ZEB1: variants seen among roughly 807,000 people sequenced by gnomAD.
The protein encoded by ZEB1 is zinc finger E-box-binding homeobox 1.
ZEB1 carries 21 observed loss-of-function variants against 84.9 expected under a neutral mutation model. The ratio of observed to expected loss-of-function variants is 0.25; its 90% CI spans 0.18 to 0.36. ZEB1 has a LOEUF of 0.36. ZEB1 is among the 10% of genes least tolerant of loss of function. The pLI is 1.00. For synonymous variants in ZEB1, 420 were observed against 471.1 expected (o/e 0.89, Z 1.41); for missense variants, 1,104 against 1,330.2 (o/e 0.83, Z 2.65).
At chr10:31,384,476 A>G (rs1420834280) in intron 1 of ZEB1, among the ~76,000 whole-genome samples, 3 of 152,230 alleles carry the variant, frequency 2.0e-5, no homozygotes, top group African/African-American at 4.8e-5. Context: ...GGAGAGTTTT[A>G]TGCAAAGTGA....
intron 1 of ZEB1, among the ~76,000 whole-genome samples, chr10:31,341,581 T>C (rs2039376008): frequency 6.6e-6 from 1 of 152,078 alleles, no homozygotes. Flanking sequence ...CTGTGGGATA[T>C]AGATGGGGGT....
At chr10:31,373,336 A>G (rs992389853) in intron 1 of ZEB1, among the ~76,000 whole-genome samples, 3 of 151,828 alleles carry the variant, frequency 2.0e-5, no homozygotes, top group African/African-American at 7.3e-5. Context: ...AAATATATGC[A>G]AAGAATGGTT....
chr10:31,485,916 ACCG>A (rs2065691296), intron 2 of ZEB1, among the ~76,000 whole-genome samples: 3 of 151,850 alleles, frequency 2.0e-5, no homozygotes, highest in Non-Finnish European at 4.4e-5. Flanking sequence ...AATCCTGGCA[ACCG>A]TGATCTTTTG....
chr10:31,442,397 G>A (rs370287006), intron 1 of ZEB1, among the ~76,000 whole-genome samples: 6 of 152,026 alleles, frequency 3.9e-5, no homozygotes, highest in Non-Finnish European at 7.4e-5. Context: ...ATCACACACC[G>A]GGGTCTGTCG....
chr10:31,362,770 C>G (rs752367076), intron 1 of ZEB1: 4 of 648,354 alleles, frequency 6.2e-6, no homozygotes, highest in South Asian at 4.9e-5. Context: ...TCTCCTGATC[C>G]GCCCGCCTGG....
At chr10:31,408,071 A>G (rs918688954) in intron 1 of ZEB1, among the ~76,000 whole-genome samples, 6 of 152,078 alleles carry the variant, frequency 3.9e-5, no homozygotes, top group East Asian at 1.9e-4. Flanking sequence ...TCAATGTACA[A>G]AAATCACAAG....
chr10:31,497,518 C>G, intron 3 of ZEB1, among the ~76,000 whole-genome samples: 2 of 152,088 alleles, frequency 1.3e-5, no homozygotes. Context: ...TAGGAGTAAG[C>G]AAACTTCCAT....
chr10:31,364,009 C>T (rs1423420410), intron 1 of ZEB1, among the ~76,000 whole-genome samples: 3 of 152,288 alleles, frequency 2.0e-5, no homozygotes, highest in East Asian at 1.9e-4. Flanking sequence ...CCAGGACCTG[C>T]GGCAGAACCA....
rs138456617 is a variant in ZEB1, at chr10:31,521,538, C to G, written c.2206C>G (p.Leu736Val). ...ACAAGAAGAGCCACAAGTAGAACCT[C>G]TTGATCTTTCACTACCAAAGCAACA... ...GAQEEPQVEP[L>V]DLSLPKQQGE... The change falls in exon 7 of 9, where the codon CTT (leucine) becomes GTT (valine). Residue 736 changes from leucine (L) to valine (V), a missense_variant. By Grantham distance (32) the Leu-to-Val change is conservative. This residue lies in a region of ZEB1 where 531 missense variants were observed against 575.2 expected (regional missense o/e 0.92). Coordinates refer to ENST00000424869, the MANE Select transcript of ZEB1 (RefSeq NM_001174096.2). 266 of 1,613,972 alleles carry G rather than the reference C, an allele frequency of 1.6e-4. 1 individual carries two copies. Among genetic ancestry groups the G allele is most frequent in the Non-Finnish European group, 2.4e-5 (28 of 1,180,016 alleles).
At chr10:31,453,504 T>C (rs1320625804) in intron 1 of ZEB1, among the ~76,000 whole-genome samples, 1 of 152,226 alleles carries the variant, frequency 6.6e-6, no homozygotes, top group Non-Finnish European at 1.5e-5. Flanking sequence ...TCTAATGCTT[T>C]TTTATGATTG....
intron 1 of ZEB1, among the ~76,000 whole-genome samples, chr10:31,460,724 A>G (rs2061715273): frequency 6.6e-6 from 1 of 152,156 alleles, no homozygotes; most frequent in Admixed American, 6.6e-5. Context: ...AAACAAGGAT[A>G]TAAGTAGTAA....
chr10:31,469,042 G>C (rs1232746824), intron 2 of ZEB1, among the ~76,000 whole-genome samples: 1 of 152,148 alleles, frequency 6.6e-6, no homozygotes, highest in Non-Finnish European at 1.5e-5. Context: ...CAATCTAAGA[G>C]ATGAAAGACA....
At chr10:31,458,336 T>TGTGTTG (rs1554882634) in intron 1 of ZEB1, among the ~76,000 whole-genome samples, 6 of 102,288 alleles carry the variant, frequency 5.9e-5, no homozygotes, top group South Asian at 6.1e-4. Flanking sequence ...TGTGTGTGTG[T>TGTGTTG]TGTGTGTGTG....
chr10:31,485,601 A>C (rs552560919), intron 2 of ZEB1, among the ~76,000 whole-genome samples: 1 of 152,072 alleles, frequency 6.6e-6, no homozygotes, highest in Non-Finnish European at 1.5e-5. Context: ...ACATTAAAAT[A>C]GTTTTAAAAA....
intron 1 of ZEB1, among the ~76,000 whole-genome samples, chr10:31,428,022 T>C (rs1249969562): frequency 1.3e-5 from 2 of 152,222 alleles, no homozygotes; most frequent in African/African-American, 2.4e-5. Flanking sequence ...AACTAGCTCC[T>C]GGATTCGTTG....
At chr10:31,357,803 G>A (rs1324119305) in intron 1 of ZEB1, among the ~76,000 whole-genome samples, 5 of 151,924 alleles carry the variant, frequency 3.3e-5, no homozygotes, top group African/African-American at 9.7e-5. Context: ...GATTAGTTAC[G>A]CCAGTGGCTC....
chr10:31,474,812 A>G (rs2063830601), intron 2 of ZEB1, among the ~76,000 whole-genome samples: 1 of 152,146 alleles, frequency 6.6e-6, no homozygotes, highest in South Asian at 2.1e-4. Context: ...GAACCAACCC[A>G]AATGTCCAAC....
chr10:31,446,790 A>G (rs923587542), intron 1 of ZEB1, among the ~76,000 whole-genome samples: 10 of 150,712 alleles, frequency 6.6e-5, no homozygotes, highest in African/African-American at 2.2e-4. Flanking sequence ...GTTTGTTACA[A>G]TTTCTGTTCT....
upstream of ZEB1, chr10:31,319,151 G>T (rs1296608567): frequency 3.4e-6 from 3 of 881,930 alleles, no homozygotes; most frequent in South Asian, 2.9e-5. Context: ...GGGGAGGGGG[G>T]AGGGGTGGAG....
Sources: gnomAD v4.1 joint callset for allele counts (sites outside exome capture counted in the v4.1 genomes callset) on GRCh38, gnomAD v4.1.1 for gene constraint, gnomAD v4.1.1 regional missense constraint, MANE v1.5 for transcripts, NCBI Gene and HGNC (gene_info 2026-07-23, HGNC 2026-07-21) for gene names.